The following SLC2A9 variants were observed in gnomAD, a reference collection of about 807,000 sequenced individuals.
SLC2A9 encodes solute carrier family 2 member 9.
SLC2A9 carries 39 observed loss-of-function variants against 50.6 expected under a neutral mutation model. That is an observed-to-expected ratio of 0.77 (90% CI 0.60 to 1.01). The LOEUF (loss-of-function observed/expected upper bound fraction) is 1.01. SLC2A9 is among the 50% of genes least tolerant of loss of function. The pLI is 0.00. For synonymous variants in SLC2A9, 324 were observed against 276.9 expected (o/e 1.17, Z -1.69); for missense variants, 686 against 677.6 (o/e 1.01, Z -0.14).
chr4:10,027,095 A>G lies in SLC2A9; in HGVS notation c.-40-1089T>C, dbSNP rs150002366. 2.5e-3 allele frequency among the ~76,000 whole-genome samples: 384 copies of G among 152,220 alleles called. 6 individuals are homozygous for G. The highest frequency in any genetic ancestry group is 9.0e-3 in the African/African-American group (375 of 41,524). ...GACACAAAAAGCGACATCTTTTATG[A>G]TTTCATTTATATGAAATGTCCAGAA... is the stretch of plus-strand genomic sequence containing the variant. On this transcript the variant is annotated intron_variant, in intron 1 of 12. Transcript: ENST00000309065.
intron 10 of SLC2A9, among the ~76,000 whole-genome samples, chr4:9,869,391 T>C (rs1026982022): frequency 2.0e-5 from 3 of 152,222 alleles, no homozygotes; most frequent in Non-Finnish European, 4.4e-5. Flanking sequence ...AATTTCTGTC[T>C]ACCTTTGCAC....
At chr4:9,928,029 C>G (rs1379908234) in intron 6 of SLC2A9, among the ~76,000 whole-genome samples, 1 of 152,180 alleles carries the variant, frequency 6.6e-6, no homozygotes, top group Admixed American at 6.5e-5. Flanking sequence ...TCCAACTAAT[C>G]TTTTTGGGAG....
chr4:9,779,701 ACCGTGCACAG>A (rs905750267), downstream of SLC2A9: 1 of 151,916 alleles, frequency 6.6e-6, no homozygotes, highest in Admixed American at 6.6e-5. Flanking sequence ...GGCGTGAGCC[ACCGTGCACAG>A]CCTAGACTTC....
chr4:9,844,626 C>G (rs1192401740), intron 10 of SLC2A9, among the ~76,000 whole-genome samples: 1 of 152,262 alleles, frequency 6.6e-6, no homozygotes, highest in African/African-American at 2.4e-5. Flanking sequence ...TCTCTGTTCT[C>G]TGTGAATCTG....
chr4:9,776,230 T>A (rs1025805019), downstream of SLC2A9, among the ~76,000 whole-genome samples: 1 of 150,368 alleles, frequency 6.7e-6, no homozygotes, highest in Admixed American at 6.6e-5. Context: ...TTCAGAGTAG[T>A]CCAAGTACAC....
chr4:9,939,370 G>A (rs73096647), intron 6 of SLC2A9, among the ~76,000 whole-genome samples: 2,697 of 152,282 alleles, frequency 0.018, 29 homozygotes, highest in African/African-American at 0.034. Context: ...TGGGTGTTTT[G>A]TTATGCAGCA....
At chr4:9,919,402 C>T (rs941532784) in intron 7 of SLC2A9, among the ~76,000 whole-genome samples, 2 of 152,210 alleles carry the variant, frequency 1.3e-5, no homozygotes, top group African/African-American at 2.4e-5. Flanking sequence ...GGTGGAACAA[C>T]ACTGTGGTTG....
Position 9,891,339 on chromosome 4 carries a change from A to C in SLC2A9, c.1114-628T>G, listed in dbSNP as rs557365909. Among the ~76,000 whole-genome samples the C allele has an allele frequency of 4.6e-5, 7 of 152,306 alleles. No individual in the cohort carries two copies. The South Asian group carries it at 1.5e-3, about 32-fold the overall frequency. The stretch of plus-strand genomic sequence containing the variant: ...CCACTTGGTCAGGAAACAGCTCCTC[A>C]ACTGCCAATGACTGAAAGAGTAATT... On this transcript the variant is annotated intron_variant, in intron 8 of 11. Coordinates refer to ENST00000264784, the MANE Select transcript of SLC2A9 (RefSeq NM_020041.3).
intron 1 of SLC2A9, among the ~76,000 whole-genome samples, chr4:10,021,043 A>G (rs978265923): frequency 2.0e-5 from 3 of 152,156 alleles, no homozygotes; most frequent in Admixed American, 2.0e-4. Context: ...GCCTCATTCC[A>G]TGTACACACC....
At chr4:9,898,603 G>A (rs1739015062) in intron 8 of SLC2A9, among the ~76,000 whole-genome samples, 1 of 152,204 alleles carries the variant, frequency 6.6e-6, no homozygotes, top group African/African-American at 2.4e-5. Flanking sequence ...GAGCCTTTTG[G>A]TCGTAGAAGA....
At chr4:9,771,942 T>A (rs980374451) in intron 1 of SLC2A9, among the ~76,000 whole-genome samples, 1 of 152,196 alleles carries the variant, frequency 6.6e-6, no homozygotes, top group Non-Finnish European at 1.5e-5. Flanking sequence ...AAGAGGGGTC[T>A]GCTGGGGAAA....
chr4:9,877,028 T>C (rs1242536723), intron 10 of SLC2A9, among the ~76,000 whole-genome samples: 1 of 152,190 alleles, frequency 6.6e-6, no homozygotes, highest in Non-Finnish European at 1.5e-5. Flanking sequence ...TGCATATATT[T>C]ATTCCTTCTA....
At chr4:9,809,809 C>A (rs570661302) in intron 3 of SLC2A9, among the ~76,000 whole-genome samples, 1 of 152,072 alleles carries the variant, frequency 6.6e-6, no homozygotes, top group African/African-American at 2.4e-5. Flanking sequence ...CTTATCCCAA[C>A]CTATACAACC....
At chr4:10,007,685 A>T (rs1161317134) in intron 2 of SLC2A9, among the ~76,000 whole-genome samples, 1 of 152,214 alleles carries the variant, frequency 6.6e-6, no homozygotes, top group Non-Finnish European at 1.5e-5. Context: ...TTTACAGGGA[A>T]CAGTGCATTT....
At chr4:9,913,342 A>T (rs1242099410) in intron 7 of SLC2A9, among the ~76,000 whole-genome samples, 1 of 147,112 alleles carries the variant, frequency 6.8e-6, no homozygotes, top group Non-Finnish European at 1.5e-5. Flanking sequence ...AGAGAGAGAG[A>T]GAGAGAGAGA....
In SLC2A9 at chr4:9,947,958, G is replaced by A. The variant is rs145045740; in HGVS notation, c.682-5913C>T. ...TATGTCCCCTCCTCTAGGGAACTGT[G>A]AGTAATAAATTCTTCTTTCAGATAA... is the stretch of plus-strand genomic sequence containing the variant. On this transcript the variant is annotated intron_variant, in intron 5 of 11. Coordinates refer to ENST00000264784, the MANE Select transcript of SLC2A9 (RefSeq NM_020041.3). 2.8e-3 allele frequency among the ~76,000 whole-genome samples: 422 copies of A among 152,288 alleles called. 7 individuals carry two copies. The highest frequency in any genetic ancestry group is 9.9e-3 in the African/African-American group (412 of 41,540).
intron 11 of SLC2A9, among the ~76,000 whole-genome samples, chr4:9,829,683 T>C (rs892645396): frequency 6.6e-6 from 1 of 151,466 alleles, no homozygotes; most frequent in African/African-American, 2.4e-5. Flanking sequence ...AAAAACAACC[T>C]CATTAAAAAG....
chr4:9,852,123 A>G (rs1324346733), intron 10 of SLC2A9, among the ~76,000 whole-genome samples: 1 of 152,346 alleles, frequency 6.6e-6, no homozygotes, highest in East Asian at 1.9e-4. Context: ...TGAAAGAAAA[A>G]ATGTTAAAGG....
intron 10 of SLC2A9, among the ~76,000 whole-genome samples, chr4:9,874,938 G>A (rs1734054758): frequency 6.9e-6 from 1 of 143,926 alleles, no homozygotes; most frequent in Non-Finnish European, 1.5e-5. Flanking sequence ...AATGGCCATA[G>A]GTTAGCGTCT....
Sources: gnomAD v4.1 joint callset for allele counts (sites outside exome capture counted in the v4.1 genomes callset) on GRCh38, gnomAD v4.1.1 for gene constraint, MANE v1.5 for transcripts, NCBI Gene and HGNC (gene_info 2026-07-23, HGNC 2026-07-21) for gene names.